The following SOX30 variants were observed in gnomAD, a reference collection of about 807,000 sequenced individuals.
The protein encoded by SOX30 is SRY-box transcription factor 30, also known as transcription factor SOX-30.
Under a neutral mutation model 58.6 loss-of-function variants are expected in SOX30, and 17 were observed. That is an observed-to-expected ratio of 0.29 (90% CI 0.20 to 0.44). The LOEUF is 0.44. Ranked by LOEUF, SOX30 falls within the 20% of genes least tolerant of loss-of-function variation. SOX30 has a pLI of 1.00. For synonymous variants in SOX30, 421 were observed against 400.2 expected (o/e 1.05, Z -0.62); for missense variants, 951 against 965.8 (o/e 0.98, Z 0.20).
intron 1 of SOX30, among the ~76,000 whole-genome samples, chr5:157,669,727 G>T (rs1004674191): frequency 1.3e-5 from 2 of 151,722 alleles, no homozygotes; most frequent in African/African-American, 4.9e-5. Flanking sequence ...ATGCTGACCA[G>T]GTTGGTCTCG....
At chr5:157,631,756 A>C (rs1280309098) in intron 4 of SOX30, among the ~76,000 whole-genome samples, 1 of 127,302 alleles carries the variant, frequency 7.9e-6, no homozygotes, top group Non-Finnish European at 1.6e-5. Context: ...CAGAGTGGGA[A>C]CTCGTCTCAA....
intron 2 of SOX30, 74 bp downstream of exon 2, chr5:157,648,583 A>C (rs1471037777): frequency 7.0e-7 from 1 of 1,425,382 alleles, no homozygotes; most frequent in Non-Finnish European, 9.5e-7. Flanking sequence ...TTGTCTTTCA[A>C]TCTCAACCTA....
chr5:157,666,736 G>C (rs1759680640), intron 2 of SOX30, among the ~76,000 whole-genome samples: 1 of 152,014 alleles, frequency 6.6e-6, no homozygotes, highest in Non-Finnish European at 1.5e-5. Context: ...GATGAAGTCT[G>C]GCTCTGGCGC....
rs1759321121 is a variant in SOX30 at position 157,651,170 on chromosome 5, C to CTCCA, written c.905_908dup (p.Glu303AspfsTer8). On this transcript the variant is annotated frameshift_variant, in exon 1 of 5. Coordinates refer to ENST00000265007, the MANE Select transcript of SOX30 (RefSeq NM_178424.2). LOFTEE classifies it high-confidence loss of function. Reference sequence around the variant, plus strand: ...CTTTGGTTTCAATTTTTACAGAAGGCTCCAGTAGGGACTGCATTTTAGTAG... The same window carrying CTCCA: ...CTTTGGTTTCAATTTTTACAGAAGGCTCCATCCAGTAGGGACTGCATTTTAGTAG... 6.2e-7 allele frequency: 1 copy of CTCCA among 1,601,392 alleles called. No individual in the cohort carries two copies.
chr5:157,667,494 A>G (rs1759694681), intron 2 of SOX30, among the ~76,000 whole-genome samples: 1 of 152,156 alleles, frequency 6.6e-6, no homozygotes, highest in South Asian at 2.1e-4. Context: ...GCACTTTGGG[A>G]GGCCAAGGCG....
chr5:157,646,490 T>C, intron 3 of SOX30, 147 bp downstream of exon 3: 1 of 633,920 alleles, frequency 1.6e-6, no homozygotes, highest in Non-Finnish European at 2.7e-6. Context: ...TTCCTTCTCC[T>C]ATTTAATGTT....
chr5:157,655,199 C>A (rs545505615), upstream of SOX30, among the ~76,000 whole-genome samples: 247 of 152,234 alleles, frequency 1.6e-3, 2 homozygotes, highest in African/African-American at 5.7e-3. Context: ...ATGGAAACCC[C>A]GACCCAAAGG....
intron 1 of SOX30, among the ~76,000 whole-genome samples, chr5:157,649,151 T>C (rs1183225968): frequency 6.6e-6 from 1 of 152,094 alleles, no homozygotes; most frequent in Non-Finnish European, 1.5e-5. Flanking sequence ...GTGGCAATAA[T>C]CATGTTGAAG....
intron 3 of SOX30, among the ~76,000 whole-genome samples, chr5:157,645,475 C>G (rs1759166272): frequency 6.6e-6 from 1 of 151,880 alleles, no homozygotes; most frequent in Non-Finnish European, 1.5e-5. Context: ...CCAGCCTGGG[C>G]AACATGGCAA....
chr5:157,655,608 G>C (rs1759456224), upstream of SOX30, among the ~76,000 whole-genome samples: 1 of 152,132 alleles, frequency 6.6e-6, no homozygotes, highest in Non-Finnish European at 1.5e-5. Flanking sequence ...CTTGAGAGTC[G>C]ATGGGACTGC....
Position 157,651,528 on chromosome 5 carries a change from C to T in SOX30, c.551G>A (p.Gly184Asp). 3 of 1,613,410 alleles carry T rather than the reference C, an allele frequency of 1.9e-6. No homozygotes were observed. The highest frequency in any genetic ancestry group is 2.5e-6 in the Non-Finnish European group (3 of 1,180,030). Residue 184 changes from glycine to aspartate, a missense_variant, in exon 1 of 5, where the codon GGC becomes GAC. Transcript: ENST00000265007. Reference protein sequence around the residue: ...ALGYFRGDEKGKLEAEEVMRD... With the variant: ...ALGYFRGDEKDKLEAEEVMRD... ...CATGACCTCCTCCGCCTCCAGCTTG[C>T]CCTTCTCGTCCCCTCGGAAGTAGCC...
chr5:157,662,075 C>T (rs1376678527), intron 2 of SOX30, among the ~76,000 whole-genome samples: 1 of 152,122 alleles, frequency 6.6e-6, no homozygotes, highest in Non-Finnish European at 1.5e-5. Flanking sequence ...CTTTTTGAGT[C>T]TACTTTGATC....
At chr5:157,655,590 A>G (rs1759455473), upstream of SOX30, among the ~76,000 whole-genome samples, 1 of 152,120 alleles carries the variant, frequency 6.6e-6, no homozygotes, top group Non-Finnish European at 1.5e-5. Context: ...CCTCCCGTAA[A>G]GGGGAAACTT....
intron 2 of SOX30, among the ~76,000 whole-genome samples, chr5:157,662,672 G>T (rs1164451354): frequency 6.6e-6 from 1 of 152,150 alleles, no homozygotes; most frequent in Admixed American, 6.6e-5. Flanking sequence ...TACCCTGAAA[G>T]ACTGGTTCAG....
At chr5:157,636,975 CA>C (rs1300073409) in intron 4 of SOX30, among the ~76,000 whole-genome samples, 1 of 151,300 alleles carries the variant, frequency 6.6e-6, no homozygotes, top group Non-Finnish European at 1.5e-5. Flanking sequence ...TAAAAACACA[CA>C]AAAAAAATTA....
intron 4 of SOX30, among the ~76,000 whole-genome samples, chr5:157,632,712 T>TAG (rs1029390705): frequency 2.6e-5 from 4 of 152,218 alleles, no homozygotes; most frequent in African/African-American, 9.7e-5. Context: ...GAAAATCACA[T>TAG]AGAGCCCTGA....
rs74739406 is a variant in SOX30 at position 157,659,872 on chromosome 5, A to G, written c.52+7926T>C. Among the ~76,000 whole-genome samples the G allele has an allele frequency of 7.8e-4, 119 of 152,376 alleles. 1 individual carries two copies. The East Asian group carries it at 0.021, about 26-fold the overall frequency. On this transcript the variant is annotated intron_variant, in intron 2 of 5. Transcript: ENST00000519442. Reference sequence around the variant, plus strand: ...GGTTGAAAGACTTATCTAAAGACCTAGAATCAACAGAAGGGAGTGTCTGGG... The same window carrying G: ...GGTTGAAAGACTTATCTAAAGACCTGGAATCAACAGAAGGGAGTGTCTGGG...
At chr5:157,669,193 CAA>C (rs1009855160) in intron 1 of SOX30, among the ~76,000 whole-genome samples, 1 of 152,100 alleles carries the variant, frequency 6.6e-6, no homozygotes, top group Non-Finnish European at 1.5e-5. Flanking sequence ...GGGAGGGAAG[CAA>C]AGTCATTTAA....
At chr5:157,656,215 T>G (rs1284450070), upstream of SOX30, among the ~76,000 whole-genome samples, 2 of 152,202 alleles carry the variant, frequency 1.3e-5, no homozygotes, top group Admixed American at 6.5e-5. Flanking sequence ...CGGTTAAAAA[T>G]AATAAGTGCT....
Sources: allele counts gnomAD v4.1 joint callset (sites outside exome capture counted in the v4.1 genomes callset), GRCh38; gene constraint gnomAD v4.1.1; transcripts MANE v1.5; gene names NCBI Gene and HGNC (gene_info 2026-07-23, HGNC 2026-07-21).